The following NRG1 variants were observed in gnomAD, a reference collection of about 807,000 sequenced individuals.
NRG1 encodes the protein neuregulin 1.
Under a neutral mutation model 63.8 loss-of-function variants are expected in NRG1, and 18 were observed. That is an observed-to-expected ratio of 0.28 (90% confidence interval 0.19 to 0.42). The LOEUF (loss-of-function observed/expected upper bound fraction) is 0.42, where lower values mean the gene tolerates loss of function less well. NRG1 is among the 10% of genes least tolerant of loss of function. The probability of loss-of-function intolerance (pLI) is 1.00; values close to 1 mark genes in which losing one functional copy is unlikely to be tolerated. For missense variants in NRG1, 762 were observed against 814.7 expected, an observed-to-expected ratio of 0.94 and a Z score of 0.79; for synonymous variants, 302 against 301.3, an observed-to-expected ratio of 1.00 and a Z score of -0.02.
Position 32,040,711 on chromosome 8 carries a change from CATATATATATAT to C in NRG1, c.37+401295_37+401306del, listed in dbSNP as rs67857068. On this transcript the variant is annotated intron_variant, in intron 1 of 10. Coordinates refer to the NRG1 transcript ENST00000519301. ...TATAAATTTAGTTCTGAAATTTAGG[CATATATATATAT>C]ATATATATATATATGAAATTTAGGC... Among the ~76,000 whole-genome samples the C allele has an allele frequency of 1.0e-3, 86 of 85,302 alleles. 2 individuals are homozygous for C. The highest frequency in any genetic ancestry group is 1.5e-3 in the Admixed American group (10 of 6,482). 56.0% of individuals were successfully genotyped at this position (85,302 alleles called of 152,430 possible). A position where few individuals can be genotyped will look rare whatever the true frequency, so the allele number is the denominator to read the frequency against.
chr8:32,376,061 T>A (rs10954836), intron 1 of NRG1, among the ~76,000 whole-genome samples: 134,205 of 152,264 alleles, frequency 0.88, 59,969 homozygotes, highest in Non-Finnish European at 0.95. Flanking sequence ...AATAATCATA[T>A]TTCAATATCT....
At chr8:31,769,400 G>C (rs991167147) in intron 1 of NRG1, among the ~76,000 whole-genome samples, 1 of 152,138 alleles carries the variant, frequency 6.6e-6, no homozygotes, top group African/African-American at 2.4e-5. Flanking sequence ...GTTTTCAAGA[G>C]GGCATGGCTT....
At chr8:32,346,917 C>G (rs1306467644) in intron 1 of NRG1, among the ~76,000 whole-genome samples, 2 of 151,824 alleles carry the variant, frequency 1.3e-5, no homozygotes, top group East Asian at 3.9e-4. Flanking sequence ...GCAAGCTCCA[C>G]CTTCCAGGTT....
intron 1 of NRG1, among the ~76,000 whole-genome samples, chr8:31,696,004 G>A (rs755382608): frequency 2.2e-5 from 3 of 134,852 alleles, no homozygotes. Flanking sequence ...TTCTTTTAAG[G>A]ATTAAAAGAT....
intron 1 of NRG1, among the ~76,000 whole-genome samples, chr8:31,935,612 C>T (rs1281558277): frequency 6.6e-6 from 1 of 152,222 alleles, no homozygotes; most frequent in Non-Finnish European, 1.5e-5. Flanking sequence ...GCATGGATTA[C>T]TGACCCAGTA....
intron 7 of NRG1, chr8:32,748,626 C>A (rs998969538): frequency 4.5e-6 from 2 of 442,874 alleles, no homozygotes; most frequent in South Asian, 1.6e-5. Flanking sequence ...ACCTTTGAGT[C>A]CACTTCCCTG....
chr8:32,745,667 G>C (rs1036503027), intron 7 of NRG1, among the ~76,000 whole-genome samples: 6 of 119,948 alleles, frequency 5.0e-5, no homozygotes, highest in Admixed American at 5.0e-4. Context: ...GATATGTGGT[G>C]TGTGGGGGGT....
At chr8:32,141,669 T>A (rs1836297568) in intron 1 of NRG1, among the ~76,000 whole-genome samples, 1 of 141,524 alleles carries the variant, frequency 7.1e-6, no homozygotes, top group Non-Finnish European at 1.5e-5. Flanking sequence ...GCATCCAAAA[T>A]ATTCACAACT....
At chr8:31,943,990 C>G (rs1433290596) in intron 1 of NRG1, among the ~76,000 whole-genome samples, 2 of 152,190 alleles carry the variant, frequency 1.3e-5, no homozygotes, top group Non-Finnish European at 2.9e-5. Context: ...CAAAATGGTA[C>G]ACATTCTTCA....
intron 1 of NRG1, among the ~76,000 whole-genome samples, chr8:31,759,051 T>G (rs936135508): frequency 1.3e-5 from 2 of 152,178 alleles, no homozygotes; most frequent in African/African-American, 4.8e-5. Flanking sequence ...CTTACACATC[T>G]TCCTTTGTAA....
chr8:31,956,722 C>G (rs1374224332), intron 1 of NRG1, among the ~76,000 whole-genome samples: 2 of 152,176 alleles, frequency 1.3e-5, no homozygotes, highest in African/African-American at 4.8e-5. Flanking sequence ...GATGGGGGTT[C>G]TTGTAAGCAG....
At chr8:31,985,874 T>C (rs533583141) in intron 1 of NRG1, among the ~76,000 whole-genome samples, 10 of 152,260 alleles carry the variant, frequency 6.6e-5, no homozygotes, top group African/African-American at 2.2e-4. Context: ...TGATGATGTA[T>C]CCTTGTTCTG....
chr8:31,882,792 G>C (rs1439345769), intron 1 of NRG1, among the ~76,000 whole-genome samples: 1 of 152,122 alleles, frequency 6.6e-6, no homozygotes, highest in Non-Finnish European at 1.5e-5. Flanking sequence ...ATTAGAATTA[G>C]ATGTGATGCC....
chr8:31,786,997 T>C (rs1400791005), intron 1 of NRG1, among the ~76,000 whole-genome samples: 1 of 152,158 alleles, frequency 6.6e-6, no homozygotes, highest in Admixed American at 6.6e-5. Context: ...CCTCTAATCA[T>C]GATTTGGTCT....
chr8:32,410,138 C>T (rs1424788401), intron 1 of NRG1, among the ~76,000 whole-genome samples: 1 of 151,704 alleles, frequency 6.6e-6, no homozygotes, highest in African/African-American at 2.4e-5. Context: ...CAGTGATTCA[C>T]CCCCATTCCT....
At chr8:31,703,184 A>C (rs1810799067) in intron 1 of NRG1, among the ~76,000 whole-genome samples, 1 of 151,280 alleles carries the variant, frequency 6.6e-6, no homozygotes, top group South Asian at 2.1e-4. Flanking sequence ...CCATGCTATA[A>C]AATCTGTCAT....
chr8:32,355,487 G>A (rs576004800), intron 1 of NRG1, among the ~76,000 whole-genome samples: 3 of 151,928 alleles, frequency 2.0e-5, no homozygotes, highest in Non-Finnish European at 4.4e-5. Flanking sequence ...AATAGCAAAG[G>A]GGATAATATT....
intron 1 of NRG1, among the ~76,000 whole-genome samples, chr8:32,018,054 T>C (rs1233918607): frequency 6.6e-6 from 1 of 152,196 alleles, no homozygotes. Context: ...TATGAAAATA[T>C]ATCATTTTGG....
chr8:32,030,967 C>T (rs1250001873), intron 1 of NRG1, among the ~76,000 whole-genome samples: 1 of 152,126 alleles, frequency 6.6e-6, no homozygotes, highest in Non-Finnish European at 1.5e-5. Flanking sequence ...GTCAACTCAT[C>T]TGGTAGGATC....
Sources: allele counts gnomAD v4.1 joint callset (sites outside exome capture counted in the v4.1 genomes callset), GRCh38; gene constraint gnomAD v4.1.1; transcripts MANE v1.5; gene names NCBI Gene and HGNC (gene_info 2026-07-23, HGNC 2026-07-21).